Variants in SEMA5A observed in about 807,000 individuals in gnomAD.
The protein encoded by SEMA5A is semaphorin 5A.
SEMA5A carries 55 observed loss-of-function variants against 135.5 expected under a neutral mutation model. That is an observed-to-expected ratio of 0.41 (90% CI 0.33 to 0.51). The LOEUF is 0.51. Among genes scored for constraint, SEMA5A ranks in the 20% least tolerant of loss-of-function variants. SEMA5A has a pLI of 0.37. For synonymous variants in SEMA5A, 580 were observed against 546.5 expected (o/e 1.06, Z -0.85); for missense variants, 1,290 against 1,419.9 (o/e 0.91, Z 1.47).
At chr5:9,499,615 C>T (rs566326910) in intron 1 of SEMA5A, among the ~76,000 whole-genome samples, 1 of 152,238 alleles carries the variant, frequency 6.6e-6, no homozygotes, top group Non-Finnish European at 1.5e-5. Context: ...GGAAGTTTGA[C>T]AGGCAGCATC....
chr5:9,235,571 C>T (rs1747861266), intron 6 of SEMA5A, among the ~76,000 whole-genome samples: 1 of 150,148 alleles, frequency 6.7e-6, no homozygotes, highest in African/African-American at 2.4e-5. Context: ...GTGTTAAGAT[C>T]GGACGAGGAA....
chr5:9,191,122 A>T (rs1194695148), intron 10 of SEMA5A, among the ~76,000 whole-genome samples: 1 of 152,182 alleles, frequency 6.6e-6, no homozygotes, highest in Non-Finnish European at 1.5e-5. Context: ...ACAGGAGATG[A>T]GGAGGTAAGG....
At chr5:9,114,532 G>T (rs552662189) in intron 15 of SEMA5A, among the ~76,000 whole-genome samples, 3 of 152,106 alleles carry the variant, frequency 2.0e-5, no homozygotes, top group Non-Finnish European at 2.9e-5. Flanking sequence ...ATCAGGAACT[G>T]GAAAAAGGGA....
intron 9 of SEMA5A, among the ~76,000 whole-genome samples, chr5:9,197,948 A>G (rs1029626895): frequency 6.6e-6 from 1 of 152,172 alleles, no homozygotes; most frequent in Non-Finnish European, 1.5e-5. Context: ...GACATATGAA[A>G]TCCTGAAGCC....
intron 11 of SEMA5A, among the ~76,000 whole-genome samples, chr5:9,162,428 ATGTATATATATGTGTATG>A (rs1477940882): frequency 7.3e-6 from 1 of 137,304 alleles, no homozygotes; most frequent in Non-Finnish European, 1.6e-5. Flanking sequence ...GTGTATATAT[ATGTATATATATGTGTATG>A]TGTATATATA....
chr5:9,178,331 CTTTTT>C (rs5865809), intron 11 of SEMA5A, among the ~76,000 whole-genome samples: 1 of 123,598 alleles, frequency 8.1e-6, no homozygotes, highest in Non-Finnish European at 1.7e-5. Context: ...TTTTTCTCTC[CTTTTT>C]TTTTTTTTTT....
chr5:9,222,834 G>A (rs1478161250), intron 8 of SEMA5A, among the ~76,000 whole-genome samples: 1 of 152,156 alleles, frequency 6.6e-6, no homozygotes, highest in Non-Finnish European at 1.5e-5. Flanking sequence ...ATCAGCTGGT[G>A]GTCACTCAGT....
intron 1 of SEMA5A, among the ~76,000 whole-genome samples, chr5:9,450,561 T>C (rs535099147): frequency 1.3e-5 from 2 of 152,088 alleles, no homozygotes; most frequent in African/African-American, 4.8e-5. Flanking sequence ...CCTGAAAGCA[T>C]CTCCCTTGCT....
intron 2 of SEMA5A, among the ~76,000 whole-genome samples, chr5:9,418,232 T>C (rs1206396571): frequency 1.3e-5 from 2 of 152,096 alleles, no homozygotes; most frequent in Admixed American, 1.3e-4. Context: ...CGCCTTGGCC[T>C]CCCAAAGTGC....
chr5:9,271,451 A>C (rs1227061035), intron 5 of SEMA5A, among the ~76,000 whole-genome samples: 1 of 152,188 alleles, frequency 6.6e-6, no homozygotes, highest in Non-Finnish European at 1.5e-5. Context: ...TTTGGAACTG[A>C]GTAACAGTTA....
chr5:9,543,416 G>A (rs1365958415), intron 1 of SEMA5A, among the ~76,000 whole-genome samples: 1 of 152,182 alleles, frequency 6.6e-6, no homozygotes, highest in Non-Finnish European at 1.5e-5. Flanking sequence ...AAAGGGAAAC[G>A]GCAGTGAAGA....
At chr5:9,047,702 A>C (rs2150034564) in intron 21 of SEMA5A, among the ~76,000 whole-genome samples, 1 of 152,334 alleles carries the variant, frequency 6.6e-6, no homozygotes, top group South Asian at 2.1e-4. Context: ...TTGCTAGGTA[A>C]CTGTTTTCAA....
chr5:9,069,493 TCCATGC>T (rs1242038587), intron 16 of SEMA5A, among the ~76,000 whole-genome samples: 1 of 152,252 alleles, frequency 6.6e-6, no homozygotes, highest in Non-Finnish European at 1.5e-5. Context: ...AACTTGTGTG[TCCATGC>T]CACCAACTTT....
chr5:9,177,353 A>T (rs1382151349), intron 11 of SEMA5A, among the ~76,000 whole-genome samples: 1 of 152,144 alleles, frequency 6.6e-6, no homozygotes, highest in Non-Finnish European at 1.5e-5. Flanking sequence ...GTCATTTCAG[A>T]TGTTCTTCTA....
At chr5:9,448,259 T>C (rs180964313) in intron 1 of SEMA5A, among the ~76,000 whole-genome samples, 42 of 152,316 alleles carry the variant, frequency 2.8e-4, no homozygotes, top group African/African-American at 9.9e-4. Context: ...TCACCAATTA[T>C]TAAAGGAGCC....
chr5:9,188,858 T>C (rs973151822), intron 11 of SEMA5A, among the ~76,000 whole-genome samples: 2 of 152,220 alleles, frequency 1.3e-5, no homozygotes, highest in Non-Finnish European at 2.9e-5. Flanking sequence ...CAATCCTCCA[T>C]TTCCCTTCCC....
At chr5:9,523,877 C>G (rs901983878) in intron 1 of SEMA5A, among the ~76,000 whole-genome samples, 1 of 152,196 alleles carries the variant, frequency 6.6e-6, no homozygotes, top group African/African-American at 2.4e-5. Context: ...AAGTTCACGT[C>G]CACTTAGAAC....
rs917030674 is a variant in SEMA5A, at chr5:9,290,405, T to C, written c.270+27967A>G. ...ATTTCATTCATTTTTATGATATACA[T>C]ATATATACACTACATTTTCTTTATC... is the stretch of plus-strand genomic sequence containing the variant. On this transcript the variant is annotated intron_variant, in intron 5 of 22. Transcript: ENST00000382496. 3.9e-5 allele frequency among the ~76,000 whole-genome samples: 6 copies of C among 152,294 alleles called. No homozygotes were observed. The East Asian group carries it at 1.2e-3, about 29-fold the overall frequency.
chr5:9,063,265 G>A (rs1737283487), intron 17 of SEMA5A, among the ~76,000 whole-genome samples, 160 bp from the exon 18 acceptor site: 1 of 152,316 alleles, frequency 6.6e-6, no homozygotes, highest in South Asian at 2.1e-4. Flanking sequence ...AAAATCAGTG[G>A]TGTGATAGCC....
Sources: gnomAD v4.1 joint callset for allele counts (sites outside exome capture counted in the v4.1 genomes callset) on GRCh38, gnomAD v4.1.1 for gene constraint, MANE v1.5 for transcripts, NCBI Gene and HGNC (gene_info 2026-07-23, HGNC 2026-07-21) for gene names.